The following ZC3H18 variants were observed in gnomAD, a reference collection of about 807,000 sequenced individuals.
ZC3H18 encodes the protein zinc finger CCCH domain-containing protein 18.
In ZC3H18, 8 loss-of-function variants were observed where a neutral mutation model predicts 106.1. The ratio of observed to expected loss-of-function variants is 0.08; its 90% CI spans 0.04 to 0.14. The LOEUF (loss-of-function observed/expected upper bound fraction) is 0.14, where lower values mean the gene tolerates loss of function less well. ZC3H18 is among the 10% of genes least tolerant of loss of function. The pLI is 1.00. For missense variants in ZC3H18, 1,318 were observed against 1,278.4 expected (o/e 1.03, Z -0.47); for synonymous variants, 635 against 522.1 (o/e 1.22, Z -2.95).
rs372885957 is a variant in ZC3H18, at chr16:88,622,337, G to A, written c.1616G>A (p.Arg539Gln). ...LGVSVSPSRA[R>Q]RRRKTSASSA... ...GTGTCGGTCTCCCCGAGCCGGGCTC[G>A]AAGGCGTCGGAAAACATCAGCCTCG... is the stretch of plus-strand genomic sequence containing the variant. Residue 539 changes from arginine (R) to glutamine (Q), a missense_variant, in exon 9 of 18, where the codon CGA (arginine) becomes CAA (glutamine). Physicochemically the swap from Arg to Gln is conservative, Grantham distance 43. Around this residue, in one of 6 missense-constraint regions of ZC3H18, gnomAD observed 848 missense variants for 821.7 expected, o/e 1.03. Transcript: ENST00000301011. The A allele has an allele frequency of 1.9e-6, 3 of 1,613,428 alleles. No homozygotes were observed. The highest frequency in any genetic ancestry group is 1.3e-5 in the African/African-American group (1 of 74,920).
At chr16:88,595,521 G>GT (rs1227219033) in intron 3 of ZC3H18, among the ~76,000 whole-genome samples, 2 of 132,010 alleles carry the variant, frequency 1.5e-5, no homozygotes, top group African/African-American at 2.9e-5. Context: ...AATTATGAAA[G>GT]TAAGGCTGGG....
rs57632461 is a variant in ZC3H18 at position 88,590,564 on chromosome 16, C to CTTTTTTTTTTTT, written c.688+3885_688+3896dup. Among the ~76,000 whole-genome samples the CTTTTTTTTTTTT allele has an allele frequency of 4.3e-3, 430 of 100,612 alleles. 18 individuals are homozygous for CTTTTTTTTTTTT. Among genetic ancestry groups the CTTTTTTTTTTTT allele is most frequent in the Non-Finnish European group, 5.4e-3 (290 of 53,652 alleles). 66.0% of individuals were successfully genotyped at this position (100,612 alleles called of 152,430 possible). ...TGTCCCACTTTGGGTTTCTTTATTT[C>CTTTTTTTTTTTT]TTTTTTTTTTTTTTTTGAGACAGTG... is the stretch of plus-strand genomic sequence containing the variant. On this transcript the variant is annotated intron_variant, in intron 3 of 17. Transcript: ENST00000301011.
intron 6 of ZC3H18, among the ~76,000 whole-genome samples, chr16:88,608,157 G>T (rs1421237761): frequency 6.6e-6 from 1 of 152,064 alleles, no homozygotes; most frequent in African/African-American, 2.4e-5. Flanking sequence ...AGCTCGTTTT[G>T]CTCCTTGTTT....
intron 2 of ZC3H18, among the ~76,000 whole-genome samples, chr16:88,583,800 C>T (rs1286102702): frequency 2.0e-5 from 3 of 152,162 alleles, no homozygotes; most frequent in African/African-American, 2.4e-5. Flanking sequence ...GAGAGCCCCA[C>T]GGGCACCATC....
intron 8 of ZC3H18, among the ~76,000 whole-genome samples, chr16:88,617,498 C>A (rs1052478505): frequency 6.6e-6 from 1 of 152,226 alleles, no homozygotes; most frequent in South Asian, 2.1e-4. Flanking sequence ...TGCTCACCGC[C>A]GAGGCACGTC....
rs190268479 is a variant in ZC3H18, at chr16:88,592,599, C to T, written c.689-5579C>T. Among the ~76,000 whole-genome samples the T allele has an allele frequency of 3.2e-4, 49 of 152,290 alleles. No homozygotes were observed. In the East Asian group the frequency reaches 8.1e-3, roughly 25 times the overall value. On this transcript the variant is annotated intron_variant, in intron 3 of 17. Coordinates refer to ENST00000301011, the MANE Select transcript of ZC3H18 (RefSeq NM_144604.4). ...AAACGATTCTCCTGCCTCAGCCTCC[C>T]GAGTAGCTGAGATTACAGGCGCATG...
chr16:88,580,667 C>T (rs944485960), intron 2 of ZC3H18, among the ~76,000 whole-genome samples: 5 of 152,104 alleles, frequency 3.3e-5, no homozygotes, highest in Non-Finnish European at 7.4e-5. Context: ...ATTCCTGCCC[C>T]GCGCCCTGCT....
chr16:88,627,433 C>A lies in ZC3H18; in HGVS notation c.2109-189C>A. ...CTGACATTGATTAGTGAAATGGGGC[C>A]CTGGCCTAGCCATGGGGACGTCCCT... On this transcript the variant is annotated intron_variant, in intron 13 of 17. Coordinates refer to ENST00000301011, the MANE Select transcript of ZC3H18 (RefSeq NM_144604.4). This position sits in a 1 kb window ranked among gnomAD's most constrained non-coding sequence, Gnocchi z 4.5. 1 of 668,222 alleles carries A rather than the reference C, an allele frequency of 1.5e-6. No individual in the cohort carries two copies. Among genetic ancestry groups the A allele is most frequent in the Admixed American group, 3.4e-5 (1 of 29,242 alleles). 41.4% of individuals were successfully genotyped at this position (668,222 alleles called of 1,614,324 possible).
At chr16:88,594,316 G>A (rs996657983) in intron 3 of ZC3H18, among the ~76,000 whole-genome samples, 3 of 152,170 alleles carry the variant, frequency 2.0e-5, no homozygotes, top group Non-Finnish European at 1.5e-5. Flanking sequence ...ATCTTTAAGT[G>A]TCTCTTAATT....
intron 6 of ZC3H18, among the ~76,000 whole-genome samples, chr16:88,603,626 T>C (rs1206705665): frequency 6.9e-6 from 1 of 144,762 alleles, no homozygotes; most frequent in South Asian, 2.2e-4. Context: ...TCCGTCTCTT[T>C]TTTTTTTTTT....
intron 8 of ZC3H18, among the ~76,000 whole-genome samples, chr16:88,612,008 G>A (rs1452686606): frequency 6.6e-6 from 1 of 152,138 alleles, no homozygotes; most frequent in Non-Finnish European, 1.5e-5. Flanking sequence ...CACTCTAGCA[G>A]CCAGCATGCA....
chr16:88,597,953 C>T (rs979882390), intron 3 of ZC3H18, among the ~76,000 whole-genome samples: 6 of 152,222 alleles, frequency 3.9e-5, no homozygotes, highest in Admixed American at 6.5e-5. Context: ...ACCGAGGTGC[C>T]TGGCAGCCTC....
At chr16:88,621,211 ATTTTTG>A (rs1905935937) in intron 8 of ZC3H18, among the ~76,000 whole-genome samples, 1 of 146,592 alleles carries the variant, frequency 6.8e-6, no homozygotes, top group Non-Finnish European at 1.5e-5. Flanking sequence ...CATCCAACTA[ATTTTTG>A]TTTTTGTTTT....
rs768750380 is a variant in ZC3H18 at position 88,622,365 on chromosome 16, A to AGCCTCT, written c.1651_1656dup (p.Ala551_Ser552dup). ...GGCGTCGGAAAACATCAGCCTCGTC[A>AGCCTCT]GCCTCTGCCTCTAATTCCTCCAGGT... On this transcript the variant is annotated inframe_insertion, in exon 9 of 18. Transcript: ENST00000301011. 4.5e-5 allele frequency: 73 copies of AGCCTCT among 1,611,372 alleles called. No homozygotes were observed. Among genetic ancestry groups the AGCCTCT allele is most frequent in the Non-Finnish European group, 5.9e-5 (70 of 1,178,620 alleles).
chr16:88,625,626 G>C (rs975463015), intron 13 of ZC3H18: 3 of 289,628 alleles, frequency 1.0e-5, no homozygotes, highest in African/African-American at 6.6e-5. Flanking sequence ...CTGGGCCTGC[G>C]TGACCTATCA....
intron 1 of ZC3H18, among the ~76,000 whole-genome samples, chr16:88,574,517 G>T (rs1480413123): frequency 6.6e-6 from 1 of 151,160 alleles, no homozygotes; most frequent in Non-Finnish European, 1.5e-5. Context: ...CCAGATTTGG[G>T]TTTTTTTGGC....
chr16:88,629,986 C>T (rs1275315269), intron 16 of ZC3H18, among the ~76,000 whole-genome samples: 1 of 152,232 alleles, frequency 6.6e-6, no homozygotes, highest in Non-Finnish European at 1.5e-5. Flanking sequence ...AGCCTTGCTG[C>T]CCTTGCCTGG....
intron 2 of ZC3H18, among the ~76,000 whole-genome samples, chr16:88,580,881 C>G (rs1361854891): frequency 2.0e-5 from 3 of 152,234 alleles, no homozygotes; most frequent in African/African-American, 7.2e-5. Context: ...GTCACGTCTA[C>G]TACCCAGATG....
rs767842840 is a variant in ZC3H18 at position 88,586,696 on chromosome 16, C to G, written c.688+12C>G. ...GTTCTTCATGAAAGGTAATTGTCTG[C>G]GTGTGAGGCCTTCTCGCAGCCAGCT... On this transcript the variant is annotated intron_variant, in intron 3 of 17. Transcript: ENST00000301011. The G allele has an allele frequency of 6.2e-7, 1 of 1,612,726 alleles. No homozygotes were observed. Among genetic ancestry groups the G allele is most frequent in the Admixed American group, 1.7e-5 (1 of 59,972 alleles).
Sources: gnomAD v4.1 joint callset for allele counts (sites outside exome capture counted in the v4.1 genomes callset) on GRCh38, gnomAD v4.1.1 for gene constraint, gnomAD v4.1.1 regional missense constraint, Gnocchi (gnomAD v3.1) non-coding constraint, MANE v1.5 for transcripts, NCBI Gene and HGNC (gene_info 2026-07-23, HGNC 2026-07-21) for gene names.